HOMER1: variants seen among roughly 807,000 people sequenced by gnomAD.
The protein encoded by HOMER1 is homer protein homolog 1.
A neutral mutation model predicts 48.9 loss-of-function variants in HOMER1; 3 were observed. The observed-to-expected ratio is 0.06, with a 90% confidence interval of 0.03 to 0.16. HOMER1 has a LOEUF of 0.16. Ranked by LOEUF, HOMER1 falls within the 10% of genes least tolerant of loss-of-function variation. HOMER1 has a pLI of 1.00. For synonymous variants in HOMER1, 134 were observed against 146.4 expected, an observed-to-expected ratio of 0.92 and a Z score of 0.61; for missense variants, 247 against 411.4, an observed-to-expected ratio of 0.60 and a Z score of 3.46.
At chr5:79,420,168 T>C (rs1474610042) in intron 5 of HOMER1, among the ~76,000 whole-genome samples, 1 of 152,220 alleles carries the variant, frequency 6.6e-6, no homozygotes, top group Non-Finnish European at 1.5e-5. Context: ...GTATCTGATA[T>C]TTTGGAGGAT....
chr5:79,500,995 A>ACACACACACACACAC (rs1460147206), intron 1 of HOMER1, among the ~76,000 whole-genome samples: 2 of 124,132 alleles, frequency 1.6e-5, no homozygotes, highest in African/African-American at 7.4e-5. Context: ...CACACACACA[A>ACACACACACACACAC]GGTCTGGCTC....
chr5:79,433,423 C>T (rs1750477346), intron 5 of HOMER1, among the ~76,000 whole-genome samples: 1 of 151,986 alleles, frequency 6.6e-6, no homozygotes, highest in Admixed American at 6.6e-5. Flanking sequence ...CAAAAATTAG[C>T]CAGTCGTGGT....
At chr5:79,397,736 A>G (rs1383892537) in intron 6 of HOMER1, 99 bp from the exon 7 acceptor site, 1 of 548,416 alleles carries the variant, frequency 1.8e-6, no homozygotes, top group African/African-American at 2.0e-5. Context: ...TATTCTGAAT[A>G]AATATATAAA....
chr5:79,470,140 C>T (rs1426987462), intron 1 of HOMER1, among the ~76,000 whole-genome samples: 1 of 152,064 alleles, frequency 6.6e-6, no homozygotes. Flanking sequence ...TTCTGAGCTA[C>T]CTGAGAGAGG....
intron 1 of HOMER1, among the ~76,000 whole-genome samples, chr5:79,457,996 G>A (rs867890205): frequency 1.3e-5 from 2 of 152,112 alleles, no homozygotes; most frequent in South Asian, 2.1e-4. Flanking sequence ...AACTTACTGG[G>A]AAAACATACA....
intron 4 of HOMER1, among the ~76,000 whole-genome samples, chr5:79,441,685 T>C (rs1159534130): frequency 2.6e-5 from 4 of 152,146 alleles, no homozygotes; most frequent in Non-Finnish European, 4.4e-5. Context: ...CTTGGGTTTT[T>C]TTAAAGTCAG....
chr5:79,507,524 G>A (rs1752812532), intron 1 of HOMER1, among the ~76,000 whole-genome samples: 1 of 151,728 alleles, frequency 6.6e-6, no homozygotes. Context: ...CACGAGATAC[G>A]ACCTGAGATA....
chr5:79,447,185 T>G, intron 3 of HOMER1, 40 bp from the exon 4 acceptor site: 1 of 1,238,568 alleles, frequency 8.1e-7, no homozygotes, highest in Non-Finnish European at 1.2e-6. Flanking sequence ...CAAATAAAAA[T>G]AGGTCACAGT....
At chr5:79,436,077 G>A (rs1052293297) in intron 5 of HOMER1, among the ~76,000 whole-genome samples, 12 of 151,094 alleles carry the variant, frequency 7.9e-5, no homozygotes, top group African/African-American at 2.9e-4. Flanking sequence ...AGTGAGCCGA[G>A]ATTGCGCCAC....
intron 5 of HOMER1, among the ~76,000 whole-genome samples, chr5:79,405,149 G>C (rs1690386862): frequency 6.6e-6 from 1 of 152,074 alleles, no homozygotes; most frequent in Non-Finnish European, 1.5e-5. Context: ...GGTTTAATGT[G>C]GTCATTAGGG....
chr5:79,474,021 T>C (rs191060478), intron 1 of HOMER1, among the ~76,000 whole-genome samples: 112 of 152,092 alleles, frequency 7.4e-4, no homozygotes, highest in Non-Finnish European at 1.3e-3. Flanking sequence ...TTAACTATTC[T>C]AAATTTTCTT....
chr5:79,383,088 A>G (rs977037336), intron 8 of HOMER1, among the ~76,000 whole-genome samples: 19 of 152,372 alleles, frequency 1.2e-4, no homozygotes, highest in African/African-American at 4.1e-4. Flanking sequence ...AGCTATACCT[A>G]TATCAGATAA....
At chr5:79,509,321 GA>G (rs1006107473) in intron 1 of HOMER1, among the ~76,000 whole-genome samples, 2 of 152,226 alleles carry the variant, frequency 1.3e-5, no homozygotes, top group African/African-American at 2.4e-5. Flanking sequence ...TAAGGGAAGG[GA>G]GGGAAAGAAT....
intron 1 of HOMER1, among the ~76,000 whole-genome samples, chr5:79,483,153 A>T (rs1751994360): frequency 6.6e-6 from 1 of 152,206 alleles, no homozygotes; most frequent in African/African-American, 2.4e-5. Flanking sequence ...TAATTAAATT[A>T]CTTAAAGCCA....
intron 4 of HOMER1, among the ~76,000 whole-genome samples, chr5:79,440,480 C>T (rs1750709221): frequency 6.6e-6 from 1 of 152,168 alleles, no homozygotes; most frequent in South Asian, 2.1e-4. Flanking sequence ...TTCAGTAAAA[C>T]TTCTAATTTT....
chr5:79,488,681 C>T (rs996421970), intron 1 of HOMER1, among the ~76,000 whole-genome samples: 3 of 152,132 alleles, frequency 2.0e-5, no homozygotes, highest in Admixed American at 2.0e-4. Flanking sequence ...TTTTAAAATG[C>T]ACTTATAATA....
chr5:79,420,818 T>C (rs1291066184), intron 5 of HOMER1, among the ~76,000 whole-genome samples: 4 of 152,208 alleles, frequency 2.6e-5, no homozygotes, highest in Admixed American at 6.5e-5. Context: ...GGCAATCTTA[T>C]TCACCTTTCA....
At chr5:79,386,570 T>C (rs1749115341) in intron 8 of HOMER1, among the ~76,000 whole-genome samples, 2 of 152,204 alleles carry the variant, frequency 1.3e-5, no homozygotes. Context: ...CTAGGGTTCC[T>C]ATAGTTAGCA....
intron 1 of HOMER1, among the ~76,000 whole-genome samples, chr5:79,477,851 A>AT (rs11459299): frequency 0.079 from 11,612 of 146,718 alleles, 941 homozygotes; most frequent in East Asian, 0.24. Flanking sequence ...GCTTCACAAG[A>AT]TTTTTTTTTT....
Sources: allele counts gnomAD v4.1 joint callset (sites outside exome capture counted in the v4.1 genomes callset), GRCh38; gene constraint gnomAD v4.1.1; transcripts MANE v1.5; gene names NCBI Gene and HGNC (gene_info 2026-07-23, HGNC 2026-07-21).